The following SLC24A3 variants were observed in gnomAD, a reference collection of about 807,000 sequenced individuals.
SLC24A3 encodes solute carrier family 24 member 3, also known as sodium/potassium/calcium exchanger 3.
In SLC24A3, 28 loss-of-function variants were observed where a neutral mutation model predicts 75.8. That is an observed-to-expected ratio of 0.37 (90% CI 0.27 to 0.51). The LOEUF is 0.51. Ranked by LOEUF, SLC24A3 falls within the 20% of genes least tolerant of loss-of-function variation. SLC24A3 has a pLI of 0.94. For synonymous variants in SLC24A3, 372 were observed against 334.1 expected, an observed-to-expected ratio of 1.11 and a Z score of -1.24; for missense variants, 663 against 847.8, an observed-to-expected ratio of 0.78 and a Z score of 2.71.
rs185438116 is a variant in SLC24A3, at chr20:19,651,085, G to T, written c.613-2977G>T. Among the ~76,000 whole-genome samples the T allele has an allele frequency of 1.2e-3, 178 of 152,056 alleles. 1 individual carries two copies. The highest frequency in any genetic ancestry group is 4.0e-3 in the African/African-American group (168 of 41,488). On this transcript the variant is annotated intron_variant, in intron 6 of 16. Coordinates refer to ENST00000328041, the MANE Select transcript of SLC24A3 (RefSeq NM_020689.4). ...CCCTTTAATTATCATCATAGATTCT[G>T]GTTGCTTGGTATTATGTTTTATTGT...
At chr20:19,560,020 C>T (rs2030849587) in intron 3 of SLC24A3, among the ~76,000 whole-genome samples, 1 of 152,130 alleles carries the variant, frequency 6.6e-6, no homozygotes, top group African/African-American at 2.4e-5. Context: ...AACTGATTTA[C>T]AACAGTCCTG....
intron 15 of SLC24A3, among the ~76,000 whole-genome samples, chr20:19,699,724 G>C (rs2032850032): frequency 6.6e-6 from 1 of 152,184 alleles, no homozygotes; most frequent in Non-Finnish European, 1.5e-5. Flanking sequence ...TCAGCTGCAG[G>C]CCTCTAATTC....
At chr20:19,395,884 G>A (rs1986444906) in intron 2 of SLC24A3, among the ~76,000 whole-genome samples, 1 of 152,108 alleles carries the variant, frequency 6.6e-6, no homozygotes, top group African/African-American at 2.4e-5. Flanking sequence ...GGCAGGTCAC[G>A]AGCCTAGAGG....
intron 3 of SLC24A3, among the ~76,000 whole-genome samples, chr20:19,566,988 T>TA (rs1443137100): frequency 6.6e-6 from 1 of 152,234 alleles, no homozygotes; most frequent in Non-Finnish European, 1.5e-5. Context: ...GAATGGCTAT[T>TA]ATTAAAAAGT....
At chr20:19,220,609 A>G (rs1484616000) in intron 1 of SLC24A3, among the ~76,000 whole-genome samples, 1 of 152,220 alleles carries the variant, frequency 6.6e-6, no homozygotes, top group Non-Finnish European at 1.5e-5. Context: ...TATAGAGCTG[A>G]CATTTGAAAG....
chr20:19,336,882 G>A (rs922941176), intron 2 of SLC24A3, among the ~76,000 whole-genome samples: 2 of 152,060 alleles, frequency 1.3e-5, no homozygotes, highest in Admixed American at 1.3e-4. Flanking sequence ...ACACGAACAT[G>A]CTATGTGGCC....
chr20:19,313,750 G>A (rs950630335), intron 2 of SLC24A3, among the ~76,000 whole-genome samples: 1 of 152,246 alleles, frequency 6.6e-6, no homozygotes, highest in Non-Finnish European at 1.5e-5. Context: ...TTCAGAGCAG[G>A]TCCTGGGGAT....
rs1447038475 is a variant in SLC24A3, at chr20:19,642,319, C to T, written c.613-11743C>T. ...TATGCACACAGTAATCTTTTCATTC[C>T]GAAATCTTAGGATCTTCTCATACGT... On this transcript the variant is annotated intron_variant, in intron 6 of 16. Coordinates refer to ENST00000328041, the MANE Select transcript of SLC24A3 (RefSeq NM_020689.4). Among the ~76,000 whole-genome samples the T allele has an allele frequency of 3.9e-5, 6 of 152,130 alleles. No individual in the cohort carries two copies. The South Asian group carries it at 6.2e-4, about 16-fold the overall frequency.
rs184099416 is a variant in SLC24A3, at chr20:19,230,961, A to T, written c.142+17977A>T. 1.5e-3 allele frequency among the ~76,000 whole-genome samples: 236 copies of T among 152,268 alleles called. 1 individual carries two copies. The highest frequency in any genetic ancestry group is 2.9e-3 in the Non-Finnish European group (194 of 68,006). ...TTGTTACAAAGAAAAAGAAATTGGG[A>T]TTTGGGAACAACTAAAGCTATCCGA... On this transcript the variant is annotated intron_variant, in intron 1 of 16. Transcript: ENST00000328041.
chr20:19,605,499 A>G (rs2031585713), intron 6 of SLC24A3, among the ~76,000 whole-genome samples: 1 of 152,206 alleles, frequency 6.6e-6, no homozygotes, highest in Non-Finnish European at 1.5e-5. Context: ...ACTGATTCTT[A>G]AAGATTCTTA....
chr20:19,705,823 G>A (rs1441492826), intron 15 of SLC24A3, among the ~76,000 whole-genome samples: 1 of 152,204 alleles, frequency 6.6e-6, no homozygotes. Flanking sequence ...GATGAATGCA[G>A]TTTTACAGAT....
chr20:19,512,593 A>T (rs1014693863), intron 2 of SLC24A3, among the ~76,000 whole-genome samples: 2 of 152,236 alleles, frequency 1.3e-5, no homozygotes, highest in African/African-American at 4.8e-5. Context: ...GAATGCCTGG[A>T]TTCAGAACCC....
At chr20:19,363,238 G>A (rs531988206) in intron 2 of SLC24A3, among the ~76,000 whole-genome samples, 8 of 152,210 alleles carry the variant, frequency 5.3e-5, no homozygotes, top group African/African-American at 1.7e-4. Flanking sequence ...ATGGCCTTTC[G>A]AAGGGCCGTG....
intron 2 of SLC24A3, among the ~76,000 whole-genome samples, chr20:19,511,313 A>G (rs1002256606): frequency 2.0e-5 from 3 of 151,120 alleles, no homozygotes; most frequent in African/African-American, 7.3e-5. Context: ...GGGTAGGAGA[A>G]GAGGGCTTAG....
At chr20:19,325,427 C>T (rs8126180) in intron 2 of SLC24A3, among the ~76,000 whole-genome samples, 11,257 of 151,622 alleles carry the variant, frequency 0.074, 1,349 homozygotes, top group African/African-American at 0.26. Context: ...GCCTGGGTGA[C>T]GACCGTGAGA....
At chr20:19,487,457 A>G (rs1431877232) in intron 2 of SLC24A3, among the ~76,000 whole-genome samples, 1 of 152,180 alleles carries the variant, frequency 6.6e-6, no homozygotes, top group East Asian at 1.9e-4. Context: ...CTGAATAATA[A>G]TAATAACAAC....
At chr20:19,528,947 G>A (rs1182072254) in intron 3 of SLC24A3, among the ~76,000 whole-genome samples, 1 of 152,064 alleles carries the variant, frequency 6.6e-6, no homozygotes, top group African/African-American at 2.4e-5. Flanking sequence ...AATTAGTTTG[G>A]GGTGAGACCC....
At chr20:19,436,469 G>C (rs1248594830) in intron 2 of SLC24A3, among the ~76,000 whole-genome samples, 1 of 152,194 alleles carries the variant, frequency 6.6e-6, no homozygotes, top group East Asian at 1.9e-4. Context: ...ACTTTCAGGG[G>C]CTTCTCCAGG....
At chr20:19,572,435 G>T (rs992440940) in intron 3 of SLC24A3, among the ~76,000 whole-genome samples, 1 of 152,146 alleles carries the variant, frequency 6.6e-6, no homozygotes, top group Non-Finnish European at 1.5e-5. Flanking sequence ...ATTCAGCTGG[G>T]AAACTCTGGA....
Sources: allele counts gnomAD v4.1 joint callset (sites outside exome capture counted in the v4.1 genomes callset), GRCh38; gene constraint gnomAD v4.1.1; transcripts MANE v1.5; gene names NCBI Gene and HGNC (gene_info 2026-07-23, HGNC 2026-07-21).